Variants in SLIT3 observed in about 807,000 individuals in gnomAD.
SLIT3 encodes slit homolog 3 protein.
In SLIT3, 68 loss-of-function variants were observed where a neutral mutation model predicts 184.0. The ratio of observed to expected loss-of-function variants is 0.37; its 90% CI spans 0.30 to 0.45. The LOEUF (loss-of-function observed/expected upper bound fraction) is 0.45. SLIT3 is among the 20% of genes least tolerant of loss of function. SLIT3 has a pLI of 1.00. For synonymous variants in SLIT3, 831 were observed against 828.6 expected (o/e 1.00, Z -0.05); for missense variants, 1,707 against 2,026.0 (o/e 0.84, Z 3.02).
intron 4 of SLIT3, among the ~76,000 whole-genome samples, chr5:169,192,421 C>CTG (rs949906510): frequency 2.7e-5 from 3 of 111,414 alleles, no homozygotes; most frequent in South Asian, 6.8e-4. Context: ...TGTATATAGT[C>CTG]TCTGTGTGTG....
intron 4 of SLIT3, chr5:169,026,300 G>C (rs1282536837): frequency 6.6e-6 from 1 of 152,154 alleles, no homozygotes; most frequent in East Asian, 1.9e-4. Flanking sequence ...ATGTTGTTTT[G>C]CCATTTCTAG....
intron 7 of SLIT3, among the ~76,000 whole-genome samples, chr5:168,822,745 T>A (rs1757574416): frequency 6.6e-6 from 1 of 152,050 alleles, no homozygotes; most frequent in Non-Finnish European, 1.5e-5. Context: ...CAGAATATCA[T>A]CCAGGGAGCA....
At chr5:169,006,578 TTCTCTCTCTCTC>T (rs369079733) in intron 4 of SLIT3, among the ~76,000 whole-genome samples, 9 of 140,200 alleles carry the variant, frequency 6.4e-5, no homozygotes, top group South Asian at 4.6e-4. Flanking sequence ...TTTCCCCCTC[TTCTCTCTCTCTC>T]TCTCTCTCTC....
At chr5:168,942,773 G>A (rs1450613684) in intron 4 of SLIT3, among the ~76,000 whole-genome samples, 1 of 142,036 alleles carries the variant, frequency 7.0e-6, no homozygotes, top group Non-Finnish European at 1.5e-5. Flanking sequence ...TTTGTGGGGG[G>A]TGACCAGAGC....
chr5:168,777,107 C>T (rs7726980), intron 12 of SLIT3, among the ~76,000 whole-genome samples: 27 of 12,180 alleles, frequency 2.2e-3, no homozygotes, highest in Non-Finnish European at 4.5e-3. Flanking sequence ...ACACACACAC[C>T]CCCCATACCA....
At chr5:168,969,767 A>C (rs1754499505) in intron 4 of SLIT3, among the ~76,000 whole-genome samples, 2 of 152,220 alleles carry the variant, frequency 1.3e-5, no homozygotes, top group South Asian at 4.1e-4. Context: ...CAGCTCCTGG[A>C]GAGCGGGAAG....
intron 25 of SLIT3, among the ~76,000 whole-genome samples, chr5:168,709,695 A>ATCTATATATCAAATTAAAGTGTG (rs1762488531): frequency 6.6e-6 from 1 of 152,258 alleles, no homozygotes; most frequent in African/African-American, 2.4e-5. Flanking sequence ...ATTAAAGTGT[A>ATCTATATATCAAATTAAAGTGTG]TCTATATATC....
chr5:169,270,496 C>T (rs1766564224), intron 1 of SLIT3, among the ~76,000 whole-genome samples: 1 of 152,134 alleles, frequency 6.6e-6, no homozygotes, highest in Admixed American at 6.5e-5. Flanking sequence ...TCCATAAATA[C>T]AGTTTTCTTG....
chr5:168,924,672 A>G (rs2113138253), intron 4 of SLIT3, among the ~76,000 whole-genome samples: 1 of 152,144 alleles, frequency 6.6e-6, no homozygotes, highest in South Asian at 2.1e-4. Flanking sequence ...ACCACACCCT[A>G]CTAATTTTTT....
At chr5:169,270,920 T>G (rs1766583628) in intron 1 of SLIT3, among the ~76,000 whole-genome samples, 1 of 152,186 alleles carries the variant, frequency 6.6e-6, no homozygotes. Flanking sequence ...TAGGTTGGGT[T>G]AAGAACTAGG....
chr5:168,879,825 T>G (rs1186633696), intron 5 of SLIT3, among the ~76,000 whole-genome samples: 1 of 152,176 alleles, frequency 6.6e-6, no homozygotes, highest in African/African-American at 2.4e-5. Flanking sequence ...TGGCTCCTCC[T>G]CCTGAACTTC....
At chr5:169,295,471 A>C (rs148832660) in intron 1 of SLIT3, among the ~76,000 whole-genome samples, 18 of 152,276 alleles carry the variant, frequency 1.2e-4, no homozygotes, top group African/African-American at 4.3e-4. Flanking sequence ...CCGTGCGCTC[A>C]TCATCCTGGT....
intron 4 of SLIT3, among the ~76,000 whole-genome samples, chr5:168,899,832 C>T (rs573116808): frequency 2.0e-5 from 3 of 152,036 alleles, no homozygotes; most frequent in African/African-American, 7.2e-5. Context: ...GAAGTGGGCA[C>T]CCCTTGGACT....
intron 14 of SLIT3, among the ~76,000 whole-genome samples, chr5:168,766,137 A>T (rs1218697371): frequency 6.6e-6 from 1 of 152,188 alleles, no homozygotes; most frequent in Non-Finnish European, 1.5e-5. Context: ...CATCAACGGT[A>T]TGCATTTTGT....
At chr5:168,882,740 T>C (rs1760004287) in intron 5 of SLIT3, among the ~76,000 whole-genome samples, 1 of 152,134 alleles carries the variant, frequency 6.6e-6, no homozygotes, top group African/African-American at 2.4e-5. Context: ...CCAGTGGAAA[T>C]GGATCTGGCT....
At chr5:169,082,523 T>C (rs1759109812) in intron 4 of SLIT3, among the ~76,000 whole-genome samples, 1 of 152,216 alleles carries the variant, frequency 6.6e-6, no homozygotes, top group Non-Finnish European at 1.5e-5. Flanking sequence ...ACTCTCTGAT[T>C]CCTATTCTTC....
chr5:169,088,934 C>T (rs945628953), intron 4 of SLIT3, among the ~76,000 whole-genome samples: 3 of 141,298 alleles, frequency 2.1e-5, no homozygotes, highest in African/African-American at 7.8e-5. Flanking sequence ...GCAGGAGAAT[C>T]GCTCGTACCT....
At chr5:169,212,106 G>A (rs968712534) in intron 3 of SLIT3, among the ~76,000 whole-genome samples, 1 of 152,158 alleles carries the variant, frequency 6.6e-6, no homozygotes, top group African/African-American at 2.4e-5. Flanking sequence ...CTTTATAGTA[G>A]AATGATTTAT....
At chr5:168,763,520 C>T (rs555964964) in intron 14 of SLIT3, among the ~76,000 whole-genome samples, 72 of 152,222 alleles carry the variant, frequency 4.7e-4, no homozygotes, top group South Asian at 3.5e-3. Flanking sequence ...GTGAAAGGCA[C>T]GTTCTGATGA....
Sources: gnomAD v4.1 joint callset for allele counts (sites outside exome capture counted in the v4.1 genomes callset) on GRCh38, gnomAD v4.1.1 for gene constraint, MANE v1.5 for transcripts, NCBI Gene and HGNC (gene_info 2026-07-23, HGNC 2026-07-21) for gene names.